The following RUFY3 variants were observed in gnomAD, a reference collection of about 807,000 sequenced individuals.
RUFY3 encodes the protein protein RUFY3.
Under a neutral mutation model 84.0 loss-of-function variants are expected in RUFY3, and 34 were observed. That is an observed-to-expected ratio of 0.40 (90% CI 0.31 to 0.54). The LOEUF (loss-of-function observed/expected upper bound fraction) is 0.54. Among genes scored for constraint, RUFY3 ranks in the 20% least tolerant of loss-of-function variants. The pLI, the probability that RUFY3 is intolerant of heterozygous loss-of-function variation, is 0.39. For synonymous variants in RUFY3, 242 were observed against 252.9 expected (o/e 0.96, Z 0.41); for missense variants, 507 against 736.8 (o/e 0.69, Z 3.61).
intron 1 of RUFY3, among the ~76,000 whole-genome samples, chr4:70,753,095 G>A (rs765794797): frequency 3.9e-5 from 6 of 152,058 alleles, no homozygotes; most frequent in Admixed American, 1.3e-4. Context: ...GGTCTGTTCA[G>A]ATTTCCTATT....
At chr4:70,792,413 T>C (rs1364197554) in intron 12 of RUFY3, 67 of 981,318 alleles carry the variant, frequency 6.8e-5, no homozygotes, top group Non-Finnish European at 7.6e-5. Flanking sequence ...CCAGTAGATA[T>C]CCACAAGCAA....
At chr4:70,765,187 CAAA>C (rs1161964926) in intron 4 of RUFY3, among the ~76,000 whole-genome samples, 2 of 55,718 alleles carry the variant, frequency 3.6e-5, no homozygotes, top group African/African-American at 6.9e-5. Flanking sequence ...GACTCTGTCT[CAAA>C]AAAAAAAAAA....
chr4:70,792,065 A>G (rs560123344), intron 12 of RUFY3: 3 of 985,624 alleles, frequency 3.0e-6, no homozygotes, highest in Non-Finnish European at 3.6e-6. Flanking sequence ...GTTTTCCTGC[A>G]ATTCCGCTTC....
chr4:70,725,502 T>C (rs1397747531), intron 1 of RUFY3, among the ~76,000 whole-genome samples: 2 of 152,146 alleles, frequency 1.3e-5, no homozygotes, highest in African/African-American at 4.8e-5. Flanking sequence ...AGCTAATTTT[T>C]GTATTTTTAG....
chr4:70,792,731 G>T (rs1268063334), intron 12 of RUFY3: 1 of 985,228 alleles, frequency 1.0e-6, no homozygotes, highest in Non-Finnish European at 1.2e-6. Flanking sequence ...GTGTAAGATA[G>T]ATTCCATGTG....
intron 15 of RUFY3, among the ~76,000 whole-genome samples, chr4:70,801,295 C>CATA (rs59759852): frequency 0.027 from 4,077 of 151,966 alleles, 79 homozygotes; most frequent in Middle Eastern, 0.054. Flanking sequence ...TGTCATTATA[C>CATA]ATTTGACCAC....
rs1445271810 is a variant in RUFY3 at position 70,806,687 on chromosome 4, C to T, written c.*28C>T. 7 of 1,613,350 alleles carry T rather than the reference C, an allele frequency of 4.3e-6. No individual in the cohort carries two copies. The highest frequency in any genetic ancestry group is 1.3e-5 in the African/African-American group (1 of 75,014). On this transcript the variant is annotated 3_prime_UTR_variant, in exon 18 of 18. Transcript: ENST00000381006. ...CTGGAGGCCAAGACCTGGACCAAAA[C>T]GTTTATGCAGGCTCCTCTGTACCTG...
At chr4:70,745,465 A>T (rs1722048115) in intron 1 of RUFY3, among the ~76,000 whole-genome samples, 4 of 152,146 alleles carry the variant, frequency 2.6e-5, no homozygotes, top group Non-Finnish European at 5.9e-5. Flanking sequence ...CACATAGCTT[A>T]TTACCTTTAG....
chr4:70,791,149 C>T, intron 12 of RUFY3: 4 of 1,213,754 alleles, frequency 3.3e-6, no homozygotes, highest in Non-Finnish European at 4.9e-6. Flanking sequence ...GACTTATTCT[C>T]TTGCTATTTT....
At chr4:70,704,887 C>A in exon 1 of RUFY3, 3 of 1,166,412 alleles carry the variant, frequency 2.6e-6, no homozygotes, top group Non-Finnish European at 3.2e-6. Flanking sequence ...TCTGCTCCCC[C>A]GCCCAGGCCC....
intron 1 of RUFY3, among the ~76,000 whole-genome samples, chr4:70,746,404 G>T (rs1209632371): frequency 2.0e-5 from 3 of 151,300 alleles, no homozygotes; most frequent in African/African-American, 7.3e-5. Context: ...CTACTCAGAA[G>T]GCTGAGGCAA....
rs373073535 is a variant in RUFY3, at chr4:70,789,057, CT to C, written c.1239+87del. 65 of 1,517,176 alleles carry C rather than the reference CT, an allele frequency of 4.3e-5. No homozygotes were observed. In the African/African-American group the frequency reaches 6.7e-4, roughly 16 times the overall value. 94.0% of individuals were successfully genotyped at this position (1,517,176 alleles called of 1,614,324 possible). On this transcript the variant is annotated intron_variant, in intron 11 of 17. Coordinates refer to ENST00000381006, the MANE Select transcript of RUFY3 (RefSeq NM_001037442.4). ...TCCCATCTGATCCTCCAGAATCACA[CT>C]TTAATTACAAGAGGAAAGAATCACA...
chr4:70,706,002 C>T (rs1275678219), intron 1 of RUFY3, among the ~76,000 whole-genome samples: 1 of 152,158 alleles, frequency 6.6e-6, no homozygotes, highest in African/African-American at 2.4e-5. Flanking sequence ...ACTTTTAAAG[C>T]CACTGGCACA....
chr4:70,716,409 G>A (rs1741624211), intron 1 of RUFY3, among the ~76,000 whole-genome samples: 1 of 152,016 alleles, frequency 6.6e-6, no homozygotes, highest in African/African-American at 2.4e-5. Context: ...GCCTCCCGAA[G>A]TGCTGGGATT....
At chr4:70,746,879 G>A (rs1340662254) in intron 1 of RUFY3, among the ~76,000 whole-genome samples, 1 of 152,176 alleles carries the variant, frequency 6.6e-6, no homozygotes, top group Non-Finnish European at 1.5e-5. Context: ...TTAGTGGTTG[G>A]CATGGGTTGA....
upstream of RUFY3, chr4:70,704,620 T>A (rs1262349243): frequency 5.9e-6 from 1 of 168,946 alleles, no homozygotes; most frequent in Non-Finnish European, 1.1e-5. Context: ...AGGTGGGGAG[T>A]GGGAAGAGGA....
At chr4:70,804,929 T>C (rs1732682744) in intron 17 of RUFY3, among the ~76,000 whole-genome samples, 1 of 151,898 alleles carries the variant, frequency 6.6e-6, no homozygotes, top group African/African-American at 2.4e-5. Flanking sequence ...TGTCTAAAAA[T>C]AAGTAAATAA....
At chr4:70,736,152 CAAAAA>C (rs1020403164) in intron 1 of RUFY3, among the ~76,000 whole-genome samples, 4 of 60,862 alleles carry the variant, frequency 6.6e-5, no homozygotes, top group Non-Finnish European at 1.0e-4. Context: ...GACCCTGTCT[CAAAAA>C]AAAAAAAAAA....
In RUFY3 at chr4:70,722,028, T is replaced by A; in HGVS notation, c.-546T>A. On this transcript the variant is annotated 5_prime_UTR_variant, in exon 1 of 18. Transcript: ENST00000381006. The stretch of plus-strand genomic sequence containing the variant: ...TGCGCACGGCCAATCCTATGAGAAC[T>A]CAGCATCCCAGCTCATCTGAGCAGA... The A allele has an allele frequency of 3.2e-6, 4 of 1,232,206 alleles. No individual in the cohort carries two copies. Among genetic ancestry groups the A allele is most frequent in the Non-Finnish European group, 4.0e-6 (4 of 987,986 alleles). 76.3% of individuals were successfully genotyped at this position (1,232,206 alleles called of 1,614,324 possible). A position where few individuals can be genotyped will look rare whatever the true frequency, so the allele number is the denominator to read the frequency against.
Sources: allele counts gnomAD v4.1 joint callset (sites outside exome capture counted in the v4.1 genomes callset), GRCh38; gene constraint gnomAD v4.1.1; transcripts MANE v1.5; gene names NCBI Gene and HGNC (gene_info 2026-07-23, HGNC 2026-07-21).